The following ZNF184 variants were observed in gnomAD, a reference collection of about 807,000 sequenced individuals.
ZNF184 encodes the protein zinc finger protein 184, also known as zinc finger protein 184 (Kruppel-like).
Under a neutral mutation model 54.4 loss-of-function variants are expected in ZNF184, and 16 were observed. That is an observed-to-expected ratio of 0.29 (90% CI 0.20 to 0.45). The LOEUF is 0.45. ZNF184 is among the 20% of genes least tolerant of loss of function. The probability of loss-of-function intolerance (pLI) is 1.00; values close to 1 mark genes in which losing one functional copy is unlikely to be tolerated. For missense variants in ZNF184, 681 were observed against 888.2 expected (o/e 0.77, Z 2.97); for synonymous variants, 254 against 295.3 (o/e 0.86, Z 1.43).
chr6:27,419,616 G>A, the ZNF184 span, among the ~76,000 whole-genome samples: 1 of 152,116 alleles, frequency 6.6e-6, no homozygotes, highest in East Asian at 1.9e-4. This position sits in a 1 kb window ranked among gnomAD's most constrained non-coding sequence, Gnocchi z 4.8. Flanking sequence ...GCTTTCTTAA[G>A]CCCAGGCTAG....
At chr6:27,460,559 C>T (rs1317144143) in intron 3 of ZNF184, among the ~76,000 whole-genome samples, 1 of 152,194 alleles carries the variant, frequency 6.6e-6, no homozygotes, top group Non-Finnish European at 1.5e-5. Context: ...GACTGCAGAG[C>T]AGGGAGGCAG....
At chr6:27,471,570 T>C (rs762838350) in intron 2 of ZNF184, among the ~76,000 whole-genome samples, 16 of 152,242 alleles carry the variant, frequency 1.1e-4, no homozygotes, top group Non-Finnish European at 2.2e-4. Context: ...TGTTTACCAT[T>C]AGGCACTGCA....
the ZNF184 span, among the ~76,000 whole-genome samples, chr6:27,441,546 TTCTA>T: frequency 6.6e-6 from 1 of 152,158 alleles, no homozygotes; most frequent in Non-Finnish European, 1.5e-5. Context: ...CTCTACCACT[TTCTA>T]TATGATTGAC....
chr6:27,408,560 G>T, the ZNF184 span, among the ~76,000 whole-genome samples: 1 of 152,164 alleles, frequency 6.6e-6, no homozygotes, highest in South Asian at 2.1e-4. Flanking sequence ...ATTGAGTTCA[G>T]CCTAGCCACA....
At chr6:27,430,220 T>G in the ZNF184 span, among the ~76,000 whole-genome samples, 1 of 152,172 alleles carries the variant, frequency 6.6e-6, no homozygotes, top group South Asian at 2.1e-4. Flanking sequence ...ACCTGCTGTA[T>G]TTCAAATGCC....
the ZNF184 span, among the ~76,000 whole-genome samples, chr6:27,442,788 AAGAAAGAAAGAAAG>A: frequency 1.2e-5 from 1 of 83,752 alleles, no homozygotes; most frequent in Non-Finnish European, 2.7e-5. Context: ...GAAGGAAAGG[AAGAAAGAAAGAAAG>A]AGAAAGAAAG....
chr6:27,431,763 T>C, the ZNF184 span, among the ~76,000 whole-genome samples: 1 of 152,164 alleles, frequency 6.6e-6, no homozygotes, highest in Non-Finnish European at 1.5e-5. Context: ...TGTGTGAAGA[T>C]TTCCAGTTGA....
chr6:27,467,863 G>A lies in ZNF184; in HGVS notation c.65C>T (p.Ala22Val), dbSNP rs138481774. The A allele has an allele frequency of 1.6e-3, 2,652 of 1,611,138 alleles. 4 individuals carry two copies. The highest frequency in any genetic ancestry group is 2.1e-3 in the Non-Finnish European group (2,518 of 1,178,754). ...LQGGHNLLSSASFQEAVTFKD... is the reference protein window; with the variant it reads ...LQGGHNLLSSVSFQEAVTFKD... ...GAAACCACATCTTACCTGAAAACTG[G>A]CTGATGAGAGTAGATTATGTCCCCC... Residue 22 changes from alanine to valine, a missense_variant, in exon 3 of 6, where the codon GCC (alanine) becomes GTC (valine). By Grantham distance (64) the Ala-to-Val change is moderately conservative. Transcript: ENST00000683788.
chr6:27,458,422 A>C (rs1359647255), intron 3 of ZNF184, among the ~76,000 whole-genome samples: 1 of 152,016 alleles, frequency 6.6e-6, no homozygotes, highest in Non-Finnish European at 1.5e-5. Flanking sequence ...AATCAACAGC[A>C]AAAAAATAAA....
rs1024826355 is a variant in ZNF184, at chr6:27,451,145, G to T, written c.*158C>A. 1.7e-5 allele frequency: 13 copies of T among 782,440 alleles called. No individual in the cohort carries two copies. The highest frequency in any genetic ancestry group is 1.3e-4 in the Admixed American group (4 of 30,532). 48.5% of individuals were successfully genotyped at this position (782,440 alleles called of 1,614,324 possible). A position where few individuals can be genotyped will look rare whatever the true frequency, so the allele number is the denominator to read the frequency against. On this transcript the variant is annotated 3_prime_UTR_variant, in exon 6 of 6. Coordinates refer to ENST00000683788, the MANE Select transcript of ZNF184 (RefSeq NM_001318891.2). Reference sequence around the variant, plus strand: ...TCACAGAGTGGCTTAATAACAATTGGATTAGTTCAGCCCAATGTACTTTCC... The same window carrying T: ...TCACAGAGTGGCTTAATAACAATTGTATTAGTTCAGCCCAATGTACTTTCC...
chr6:27,421,188 A>G, the ZNF184 span, among the ~76,000 whole-genome samples: 5 of 152,220 alleles, frequency 3.3e-5, no homozygotes, highest in African/African-American at 7.2e-5. Context: ...ATTTGTTCAA[A>G]TCTGCAGAAT....
At chr6:27,440,184 G>T in the ZNF184 span, among the ~76,000 whole-genome samples, 1 of 152,110 alleles carries the variant, frequency 6.6e-6, no homozygotes, top group Non-Finnish European at 1.5e-5. Flanking sequence ...TTAGCTAATT[G>T]TTCATTCATT....
At chr6:27,417,072 G>A in the ZNF184 span, among the ~76,000 whole-genome samples, 20 of 152,258 alleles carry the variant, frequency 1.3e-4, no homozygotes, top group East Asian at 3.7e-3. Flanking sequence ...AGAATGGGAA[G>A]ACCAATCCCC....
chr6:27,425,756 T>G, the ZNF184 span, among the ~76,000 whole-genome samples: 2 of 152,236 alleles, frequency 1.3e-5, no homozygotes, highest in Non-Finnish European at 2.9e-5. Context: ...TGTCATCTTC[T>G]TACTACTCAG....
At chr6:27,461,816 G>C (rs1219481223) in intron 3 of ZNF184, among the ~76,000 whole-genome samples, 1 of 149,334 alleles carries the variant, frequency 6.7e-6, no homozygotes, top group East Asian at 2.0e-4. Flanking sequence ...AAGGTGACTA[G>C]AGTTCACAAG....
the ZNF184 span, among the ~76,000 whole-genome samples, chr6:27,439,445 T>G: frequency 1.4e-4 from 22 of 152,264 alleles, no homozygotes; most frequent in Admixed American, 1.3e-3. Context: ...CGACATTGTC[T>G]GCTCCTGACA....
Position 27,452,857 on chromosome 6 carries a change from A to G in ZNF184, c.702T>C (p.Cys234=), listed in dbSNP as rs769862272. The part of the protein sequence containing the change: ...CNECGKAFSY[C]SALIRHQRTH... ...TTCTCTGATGGCGAATAAGAGCTGA[A>G]CAATAACTAAAGGCTTTCCCACATT... The change falls in exon 6 of 6, where the codon TGT becomes TGC. Residue 234 remains cysteine (C), a synonymous_variant. Coordinates refer to ENST00000683788, the MANE Select transcript of ZNF184 (RefSeq NM_001318891.2). This position sits in a 1 kb window ranked among gnomAD's most constrained non-coding sequence, Gnocchi z 5.5. 6.2e-7 allele frequency: 1 copy of G among 1,613,922 alleles called. No homozygotes were observed. The highest frequency in any genetic ancestry group is 8.5e-7 in the Non-Finnish European group (1 of 1,179,956).
chr6:27,431,256 GT>G, the ZNF184 span, among the ~76,000 whole-genome samples: 1 of 152,088 alleles, frequency 6.6e-6, no homozygotes, highest in Non-Finnish European at 1.5e-5. Flanking sequence ...TCAGGGATGG[GT>G]TCATCCATGA....
the ZNF184 span, among the ~76,000 whole-genome samples, chr6:27,408,341 TA>T: frequency 8.5e-5 from 13 of 152,282 alleles, no homozygotes; most frequent in East Asian, 2.1e-3. Flanking sequence ...ACCTTAAAAG[TA>T]AAACAACAGG....
Sources: gnomAD v4.1 joint callset for allele counts (sites outside exome capture counted in the v4.1 genomes callset) on GRCh38, gnomAD v4.1.1 for gene constraint, Gnocchi (gnomAD v3.1) non-coding constraint, MANE v1.5 for transcripts, NCBI Gene and HGNC (gene_info 2026-07-23, HGNC 2026-07-21) for gene names.